OR1L8: variants seen among roughly 807,000 people sequenced by gnomAD.
The protein encoded by OR1L8 is olfactory receptor family 1 subfamily L member 8, also known as olfactory receptor 1L8.
For synonymous variants in OR1L8, 148 were observed against 147.0 expected (o/e 1.01, Z -0.05); for missense variants, 330 against 377.4 (o/e 0.87, Z 1.04).
At chr9:122,551,239 G>A in the OR1L8 span, among the ~76,000 whole-genome samples, 3 of 152,174 alleles carry the variant, frequency 2.0e-5, no homozygotes, top group Non-Finnish European at 4.4e-5. Flanking sequence ...ACAAAGCATA[G>A]TGGATAATAG....
chr9:122,581,044 A>T (rs1480360611), intron 1 of OR1L8, among the ~76,000 whole-genome samples: 1 of 152,126 alleles, frequency 6.6e-6, no homozygotes, highest in Non-Finnish European at 1.5e-5. Flanking sequence ...ATTAAATATA[A>T]TTATAATGGT....
intron 3 of OR1L8, among the ~76,000 whole-genome samples, chr9:122,573,245 C>T (rs1425410036): frequency 6.6e-6 from 1 of 152,202 alleles, no homozygotes; most frequent in Non-Finnish European, 1.5e-5. Flanking sequence ...TAACAGTTAA[C>T]AGAGCTGACT....
At chr9:122,573,681 C>T (rs1247454942) in intron 3 of OR1L8, among the ~76,000 whole-genome samples, 2 of 152,120 alleles carry the variant, frequency 1.3e-5, no homozygotes, top group Non-Finnish European at 2.9e-5. Context: ...TATTTTCTCC[C>T]AGTATGTGGC....
chr9:122,573,730 A>G (rs559061575), intron 3 of OR1L8, among the ~76,000 whole-genome samples: 1 of 152,222 alleles, frequency 6.6e-6, no homozygotes, highest in Non-Finnish European at 1.5e-5. Flanking sequence ...TTTGCAGAAC[A>G]GAAAAGTTTA....
the OR1L8 span, among the ~76,000 whole-genome samples, chr9:122,558,032 G>A: frequency 6.6e-6 from 1 of 151,804 alleles, no homozygotes; most frequent in South Asian, 2.1e-4. Flanking sequence ...TCCTTTCAAT[G>A]TTCATGGGAT....
At chr9:122,569,112 G>A (rs1484263017) in intron 4 of OR1L8, among the ~76,000 whole-genome samples, 1 of 151,966 alleles carries the variant, frequency 6.6e-6, no homozygotes, top group Non-Finnish European at 1.5e-5. Flanking sequence ...GACGACTGTT[G>A]AACGCAGTCA....
At position 122,567,646 on chromosome 9, in the gene OR1L8, A is replaced by C. The variant is rs762132170; in HGVS notation, c.832T>G (p.Tyr278Asp). 1 of 1,613,990 alleles carries C rather than the reference A, an allele frequency of 6.2e-7. No individual in the cohort carries two copies. Among genetic ancestry groups the C allele is most frequent in the Non-Finnish European group, 8.5e-7 (1 of 1,179,904 alleles). ...TTGAGCATGGATGACAAAACTGTGT[A>C]AACAATTGTTGCCACGTGGTCCTTG... Reference protein sequence around the residue: ...AVKDHVATIVYTVLSSMLNPF... With the variant: ...AVKDHVATIVDTVLSSMLNPF... The change falls in exon 5 of 5, where the codon TAC becomes GAC. Residue 278 changes from tyrosine (Y) to aspartate (D), a missense_variant. Transcript: ENST00000641027.
chr9:122,564,247 G>C (rs1485116832), downstream of OR1L8, among the ~76,000 whole-genome samples: 1 of 152,120 alleles, frequency 6.6e-6, no homozygotes, highest in Non-Finnish European at 1.5e-5. Flanking sequence ...GTGTCCACTC[G>C]ATCCCAAAAC....
chr9:122,562,865 G>T (rs1677689739), downstream of OR1L8, among the ~76,000 whole-genome samples: 1 of 152,046 alleles, frequency 6.6e-6, no homozygotes, highest in Admixed American at 6.6e-5. Context: ...TTCGTTTTAT[G>T]GCTGCATGGT....
At chr9:122,564,304 G>A (rs1407781371), downstream of OR1L8, among the ~76,000 whole-genome samples, 3 of 152,246 alleles carry the variant, frequency 2.0e-5, no homozygotes, top group Non-Finnish European at 1.5e-5. Context: ...TATGTCCCCA[G>A]TGCAACTGTG....
At chr9:122,571,292 C>A (rs1829543779) in intron 4 of OR1L8, among the ~76,000 whole-genome samples, 1 of 152,158 alleles carries the variant, frequency 6.6e-6, no homozygotes, top group African/African-American at 2.4e-5. Context: ...TGGCTCACAC[C>A]TGTAATCCCA....
chr9:122,553,446 G>C, the OR1L8 span: 1 of 1,614,012 alleles, frequency 6.2e-7, no homozygotes. Flanking sequence ...TTTCACTTCT[G>C]CCTCCATCCC....
chr9:122,563,185 T>TTTG (rs1491136505), downstream of OR1L8, among the ~76,000 whole-genome samples: 2 of 21,186 alleles, frequency 9.4e-5, no homozygotes, highest in African/African-American at 3.4e-4. Flanking sequence ...GCATTTGTTA[T>TTTG]TTTTTTTTTT....
the OR1L8 span, among the ~76,000 whole-genome samples, chr9:122,552,535 A>C: frequency 6.6e-6 from 1 of 151,436 alleles, no homozygotes; most frequent in Non-Finnish European, 1.5e-5. Flanking sequence ...TCCTATTTGT[A>C]TGCGTGTGTG....
intron 2 of OR1L8, among the ~76,000 whole-genome samples, 179 bp from the exon 3 acceptor site, chr9:122,577,080 G>C (rs1829669669): frequency 6.6e-6 from 1 of 152,154 alleles, no homozygotes. Flanking sequence ...ACTTTCTACT[G>C]CTGCTAGTAG....
chr9:122,569,532 C>T lies in OR1L8; in HGVS notation c.-212-843G>A, dbSNP rs906212095. ...TTTGAGTAAGCATATTCATTCATAC[C>T]TTGTGAATAGGCATATTACATAGAG... On this transcript the variant is annotated intron_variant, in intron 4 of 4. Coordinates refer to ENST00000641027, the MANE Select transcript of OR1L8 (RefSeq NM_001004454.2). Among the ~76,000 whole-genome samples the T allele has an allele frequency of 3.3e-5, 5 of 152,126 alleles. No homozygotes were observed. The East Asian group carries it at 9.6e-4, about 29-fold the overall frequency.
intron 1 of OR1L8, among the ~76,000 whole-genome samples, chr9:122,581,047 A>G (rs1011519597): frequency 9.2e-5 from 14 of 152,166 alleles, no homozygotes; most frequent in Non-Finnish European, 1.9e-4. Context: ...AAATATAATT[A>G]TAATGGTTTA....
the OR1L8 span, chr9:122,554,260 G>A: frequency 1.1e-6 from 1 of 899,554 alleles, no homozygotes; most frequent in South Asian, 1.7e-5. Flanking sequence ...TTAGGGGAAG[G>A]TTATCCGTTG....
At chr9:122,554,178 G>A in the OR1L8 span, 14 of 1,573,230 alleles carry the variant, frequency 8.9e-6, 1 homozygote, top group African/African-American at 2.7e-5. Flanking sequence ...CATCTAGACG[G>A]TGATGTCTAA....
Sources: gnomAD v4.1 joint callset for allele counts (sites outside exome capture counted in the v4.1 genomes callset) on GRCh38, gnomAD v4.1.1 for gene constraint, MANE v1.5 for transcripts, NCBI Gene and HGNC (gene_info 2026-07-23, HGNC 2026-07-21) for gene names.